PITPNC1: variants seen among roughly 807,000 people sequenced by gnomAD.
PITPNC1 encodes cytoplasmic phosphatidylinositol transfer protein 1.
PITPNC1 carries 18 observed loss-of-function variants against 44.7 expected under a neutral mutation model. The ratio of observed to expected loss-of-function variants is 0.40; its 90% CI spans 0.28 to 0.60. The LOEUF (loss-of-function observed/expected upper bound fraction) is 0.60. Among genes scored for constraint, PITPNC1 ranks in the 20% least tolerant of loss-of-function variants. PITPNC1 has a pLI of 0.39. For synonymous variants in PITPNC1, 141 were observed against 149.6 expected (o/e 0.94, Z 0.42); for missense variants, 290 against 418.4 (o/e 0.69, Z 2.68).
intron 6 of PITPNC1, among the ~76,000 whole-genome samples, chr17:67,648,165 C>T (rs764713443): frequency 2.6e-5 from 4 of 152,198 alleles, no homozygotes; most frequent in Admixed American, 1.3e-4. Context: ...GCAAGCTAGA[C>T]TTAGGGACAG....
chr17:67,503,457 G>T (rs2040062539), intron 1 of PITPNC1, among the ~76,000 whole-genome samples: 1 of 152,104 alleles, frequency 6.6e-6, no homozygotes, highest in African/African-American at 2.4e-5. Flanking sequence ...AGGGGGCATT[G>T]TTTGTTGCCC....
intron 1 of PITPNC1, among the ~76,000 whole-genome samples, chr17:67,391,483 T>G (rs1013975915): frequency 6.6e-6 from 1 of 152,020 alleles, no homozygotes; most frequent in Non-Finnish European, 1.5e-5. Flanking sequence ...ATGTATTTAT[T>G]TATTTATTTA....
chr17:67,554,782 G>A (rs574656214), intron 4 of PITPNC1, among the ~76,000 whole-genome samples: 34 of 152,332 alleles, frequency 2.2e-4, no homozygotes, highest in Middle Eastern at 3.4e-3. Context: ...AGGCTTTGGC[G>A]TCAGAAAGGC....
chr17:67,488,989 A>G (rs2039823402), intron 1 of PITPNC1, among the ~76,000 whole-genome samples: 1 of 152,170 alleles, frequency 6.6e-6, no homozygotes, highest in African/African-American at 2.4e-5. Context: ...TCATCCATCC[A>G]TCCCTCCGTG....
At chr17:67,631,657 A>AAAAATAT (rs1555574522) in intron 5 of PITPNC1, among the ~76,000 whole-genome samples, 11 of 7,678 alleles carry the variant, frequency 1.4e-3, no homozygotes, top group African/African-American at 3.7e-3. Flanking sequence ...AAAAAAAAAA[A>AAAAATAT]ATATATATAT....
chr17:67,637,887 T>G, intron 6 of PITPNC1: 1 of 150,618 alleles, frequency 6.6e-6, no homozygotes, highest in African/African-American at 2.5e-5. Flanking sequence ...GGGGGAGGAA[T>G]TAGTGTGATT....
intron 1 of PITPNC1, among the ~76,000 whole-genome samples, chr17:67,475,462 A>G (rs1297606006): frequency 2.0e-5 from 3 of 152,104 alleles, no homozygotes; most frequent in Non-Finnish European, 4.4e-5. Context: ...CTGGGGCCTA[A>G]TTTTCTGTCA....
chr17:67,394,229 A>T (rs577665708), intron 1 of PITPNC1, among the ~76,000 whole-genome samples: 1 of 152,242 alleles, frequency 6.6e-6, no homozygotes, highest in African/African-American at 2.4e-5. Context: ...GGGTCTGGTT[A>T]TGTGGCCCAG....
chr17:67,431,369 C>T (rs930770584), intron 1 of PITPNC1, among the ~76,000 whole-genome samples: 10 of 152,134 alleles, frequency 6.6e-5, no homozygotes, highest in African/African-American at 2.4e-4. Context: ...CATGTCTTGT[C>T]TTACCTACGG....
At chr17:67,433,325 C>G (rs2038884547) in intron 1 of PITPNC1, among the ~76,000 whole-genome samples, 1 of 152,136 alleles carries the variant, frequency 6.6e-6, no homozygotes, top group Admixed American at 6.5e-5. Context: ...CGGGAGCGAG[C>G]CTGGGCGGGC....
At chr17:67,545,233 G>A (rs1465455038) in intron 2 of PITPNC1, among the ~76,000 whole-genome samples, 2 of 151,962 alleles carry the variant, frequency 1.3e-5, no homozygotes, top group African/African-American at 2.4e-5. Flanking sequence ...GACTGCTTGA[G>A]CCCAAGGGTT....
intron 1 of PITPNC1, among the ~76,000 whole-genome samples, chr17:67,390,232 G>A (rs147597857): frequency 6.6e-6 from 1 of 152,338 alleles, no homozygotes; most frequent in Non-Finnish European, 1.5e-5. Flanking sequence ...GGACCAGAAT[G>A]ACTGCAATTT....
At chr17:67,642,747 C>T (rs1305262761) in intron 6 of PITPNC1, among the ~76,000 whole-genome samples, 3 of 152,070 alleles carry the variant, frequency 2.0e-5, no homozygotes, top group Non-Finnish European at 4.4e-5. Context: ...CCTAATAATG[C>T]GAAGCTACCT....
At chr17:67,557,637 G>C (rs966571319) in intron 4 of PITPNC1, among the ~76,000 whole-genome samples, 1 of 152,204 alleles carries the variant, frequency 6.6e-6, no homozygotes, top group African/African-American at 2.4e-5. Flanking sequence ...GGCCCACAGT[G>C]TGCGGTTTGA....
At chr17:67,540,268 T>C (rs531154124) in intron 2 of PITPNC1, among the ~76,000 whole-genome samples, 1 of 152,176 alleles carries the variant, frequency 6.6e-6, no homozygotes, top group African/African-American at 2.4e-5. Context: ...CACGCCTGGC[T>C]AATTTGTGTA....
chr17:67,546,559 T>C (rs1452784691), intron 2 of PITPNC1, among the ~76,000 whole-genome samples: 1 of 152,198 alleles, frequency 6.6e-6, no homozygotes, highest in Admixed American at 6.5e-5. Flanking sequence ...GCCTCACTGC[T>C]GATGGATGAT....
intron 2 of PITPNC1, among the ~76,000 whole-genome samples, chr17:67,549,302 A>G (rs570612498): frequency 2.0e-5 from 3 of 152,204 alleles, no homozygotes; most frequent in Admixed American, 2.0e-4. Context: ...GCTTGAACCC[A>G]GGAGACGGAG....
intron 1 of PITPNC1, among the ~76,000 whole-genome samples, chr17:67,486,073 T>C (rs905234109): frequency 6.6e-6 from 1 of 152,196 alleles, no homozygotes; most frequent in East Asian, 1.9e-4. Context: ...ACTGAAACTT[T>C]AGCATGAGAG....
intron 1 of PITPNC1, among the ~76,000 whole-genome samples, chr17:67,441,419 G>C (rs538232862): frequency 2.0e-5 from 3 of 152,092 alleles, no homozygotes; most frequent in Non-Finnish European, 4.4e-5. Flanking sequence ...TGATTTGCTC[G>C]GCAGAGATGG....
Sources: gnomAD v4.1 joint callset for allele counts (sites outside exome capture counted in the v4.1 genomes callset) on GRCh38, gnomAD v4.1.1 for gene constraint, MANE v1.5 for transcripts, NCBI Gene and HGNC (gene_info 2026-07-23, HGNC 2026-07-21) for gene names.